The following RBFOX3 variants were observed in gnomAD, a reference collection of about 807,000 sequenced individuals.
The protein encoded by RBFOX3 is RNA binding protein fox-1 homolog 3.
RBFOX3 carries 17 observed loss-of-function variants against 48.7 expected under a neutral mutation model. The ratio of observed to expected loss-of-function variants is 0.35; its 90% confidence interval spans 0.24 to 0.52. The LOEUF (loss-of-function observed/expected upper bound fraction) is 0.52, where lower values mean the gene tolerates loss of function less well. Among genes scored for constraint, RBFOX3 ranks in the 20% least tolerant of loss-of-function variants. RBFOX3 has a pLI of 0.94. For synonymous variants in RBFOX3, 212 were observed against 209.5 expected (o/e 1.01, Z -0.10); for missense variants, 382 against 497.5 (o/e 0.77, Z 2.21).
At chr17:79,551,326 G>A (rs931368852) in intron 1 of RBFOX3, among the ~76,000 whole-genome samples, 134 of 152,172 alleles carry the variant, frequency 8.8e-4, no homozygotes, top group Non-Finnish European at 1.5e-3. Context: ...TTAACATGTA[G>A]TATAATTTGG....
At chr17:79,191,139 G>A (rs1304461133) in intron 4 of RBFOX3, among the ~76,000 whole-genome samples, 1 of 152,188 alleles carries the variant, frequency 6.6e-6, no homozygotes, top group African/African-American at 2.4e-5. Context: ...CAGTGAAGTG[G>A]CTGGGTGCTC....
intron 1 of RBFOX3, among the ~76,000 whole-genome samples, chr17:79,539,838 T>C (rs1555789683): frequency 6.6e-6 from 1 of 152,238 alleles, no homozygotes; most frequent in African/African-American, 2.4e-5. Flanking sequence ...ATTTAGGGAA[T>C]AAGAACATGG....
At chr17:79,156,507 C>A (rs906560662) in intron 4 of RBFOX3, among the ~76,000 whole-genome samples, 8 of 152,166 alleles carry the variant, frequency 5.3e-5, no homozygotes, top group African/African-American at 1.9e-4. Context: ...TGCCCTCACC[C>A]CTCTTCCACG....
chr17:79,176,089 TG>T (rs2050475755), intron 4 of RBFOX3, among the ~76,000 whole-genome samples: 1 of 152,212 alleles, frequency 6.6e-6, no homozygotes, highest in Non-Finnish European at 1.5e-5. Context: ...CTGTGGTGCT[TG>T]GCCCAAACGG....
At chr17:79,633,392 G>A in the RBFOX3 span, among the ~76,000 whole-genome samples, 6 of 152,226 alleles carry the variant, frequency 3.9e-5, no homozygotes, top group African/African-American at 1.2e-4. Context: ...CCCCCTCCCC[G>A]GGGCGGCAGC....
intron 1 of RBFOX3, among the ~76,000 whole-genome samples, chr17:79,544,191 A>G (rs562263762): frequency 3.3e-5 from 5 of 152,274 alleles, no homozygotes; most frequent in African/African-American, 1.2e-4. Flanking sequence ...CCCTGGACTG[A>G]CACTGGCCGG....
chr17:79,394,277 T>C (rs1485401605), intron 2 of RBFOX3, among the ~76,000 whole-genome samples: 1 of 152,112 alleles, frequency 6.6e-6, no homozygotes. Context: ...TGTGTCCAGG[T>C]CCAGGGAGGA....
At chr17:79,107,477 G>A (rs965569948) in intron 5 of RBFOX3, among the ~76,000 whole-genome samples, 6 of 152,226 alleles carry the variant, frequency 3.9e-5, no homozygotes, top group South Asian at 2.1e-4. Context: ...CCCCCAGCTC[G>A]CTGTGAGAAG....
the RBFOX3 span, among the ~76,000 whole-genome samples, chr17:79,617,156 C>T: frequency 2.5e-3 from 382 of 152,266 alleles, 2 homozygotes; most frequent in African/African-American, 8.8e-3. Flanking sequence ...TCTCCCTGCA[C>T]GCCTCCTTCT....
chr17:79,412,741 T>G (rs1478353771), intron 2 of RBFOX3, among the ~76,000 whole-genome samples: 1 of 152,002 alleles, frequency 6.6e-6, no homozygotes, highest in Non-Finnish European at 1.5e-5. Flanking sequence ...TGTATAAATG[T>G]GTGTGGTGTG....
intron 2 of RBFOX3, among the ~76,000 whole-genome samples, chr17:79,382,762 G>T (rs1180347531): frequency 6.6e-6 from 1 of 152,192 alleles, no homozygotes; most frequent in Non-Finnish European, 1.5e-5. Flanking sequence ...CGCCTCCCAG[G>T]CTCCTTGCAG....
chr17:79,501,936 A>G (rs1344705922), intron 1 of RBFOX3, among the ~76,000 whole-genome samples: 1 of 152,220 alleles, frequency 6.6e-6, no homozygotes, highest in African/African-American at 2.4e-5. Flanking sequence ...ACAGCCATTT[A>G]TTAAAATGGT....
intron 2 of RBFOX3, among the ~76,000 whole-genome samples, chr17:79,358,010 A>T (rs948040107): frequency 4.0e-5 from 6 of 151,888 alleles, no homozygotes; most frequent in African/African-American, 9.7e-5. Flanking sequence ...ACAGTGGCAC[A>T]TTCATAGCTC....
the RBFOX3 span, among the ~76,000 whole-genome samples, chr17:79,656,834 G>A: frequency 9.4e-6 from 1 of 106,038 alleles, no homozygotes; most frequent in Admixed American, 1.0e-4. Flanking sequence ...AGAAAGAAAA[G>A]AAAGAAAGAA....
intron 1 of RBFOX3, among the ~76,000 whole-genome samples, chr17:79,529,579 G>C (rs945596309): frequency 6.6e-6 from 1 of 152,284 alleles, no homozygotes; most frequent in East Asian, 1.9e-4. Context: ...AGGCATGAGG[G>C]GCCCTGCCGA....
At chr17:79,633,235 C>T in the RBFOX3 span, among the ~76,000 whole-genome samples, 1 of 152,252 alleles carries the variant, frequency 6.6e-6, no homozygotes, top group African/African-American at 2.4e-5. Flanking sequence ...GACTCAGCCA[C>T]CTGGGGCTCC....
At chr17:79,281,332 C>T (rs746393294) in intron 3 of RBFOX3, among the ~76,000 whole-genome samples, 10 of 150,786 alleles carry the variant, frequency 6.6e-5, no homozygotes, top group Admixed American at 1.3e-4. Flanking sequence ...TGGAAGGAGC[C>T]GCGGGCTTGT....
At chr17:79,097,597 GGCCCCGCCCCTCAT>G (rs1311663514) in intron 10 of RBFOX3, 81 bp downstream of exon 10, 34 of 1,407,374 alleles carry the variant, frequency 2.4e-5, no homozygotes, top group Non-Finnish European at 3.1e-5. Context: ...CGGCCCACCT[GGCCCCGCCCCTCAT>G]GCCCCGCCCC....
chr17:79,548,290 G>C (rs782500295), intron 1 of RBFOX3, among the ~76,000 whole-genome samples: 1 of 152,108 alleles, frequency 6.6e-6, no homozygotes, highest in Non-Finnish European at 1.5e-5. Context: ...CTGGGGTCTC[G>C]GGCCTGAGGC....
Sources: gnomAD v4.1 joint callset for allele counts (sites outside exome capture counted in the v4.1 genomes callset) on GRCh38, gnomAD v4.1.1 for gene constraint, MANE v1.5 for transcripts, NCBI Gene and HGNC (gene_info 2026-07-23, HGNC 2026-07-21) for gene names.